MON2: variants seen among roughly 807,000 people sequenced by gnomAD.
MON2 encodes the protein protein MON2 homolog.
In MON2, 84 loss-of-function variants were observed where a neutral mutation model predicts 208.6. That is an observed-to-expected ratio of 0.40 (90% CI 0.34 to 0.48). The LOEUF is 0.48. MON2 is among the 20% of genes least tolerant of loss of function. The probability of loss-of-function intolerance (pLI) is 0.59; values close to 1 mark genes in which losing one functional copy is unlikely to be tolerated. For synonymous variants in MON2, 660 were observed against 694.0 expected, an observed-to-expected ratio of 0.95 and a Z score of 0.77; for missense variants, 1,611 against 2,015.4, an observed-to-expected ratio of 0.80 and a Z score of 3.84.
intron 1 of MON2, among the ~76,000 whole-genome samples, chr12:62,471,430 C>A (rs557012234): frequency 4.3e-4 from 65 of 152,242 alleles, no homozygotes; most frequent in South Asian, 2.5e-3. Context: ...GTGATCTGCC[C>A]GCCTCGGCCT....
At chr12:62,480,860 C>T (rs2069383851) in intron 1 of MON2, among the ~76,000 whole-genome samples, 1 of 152,174 alleles carries the variant, frequency 6.6e-6, no homozygotes, top group East Asian at 1.9e-4. Flanking sequence ...CACATATTGA[C>T]TTTGGACCTA....
In MON2 at chr12:62,560,844, A is replaced by G. The variant is rs756454783; in HGVS notation, c.3763A>G (p.Thr1255Ala). The G allele has an allele frequency of 1.1e-5, 18 of 1,614,134 alleles. 1 individual carries two copies. In the Middle Eastern group the frequency reaches 6.6e-4, roughly 59 times the overall value. The change falls in exon 26 of 35, where the codon ACT becomes GCT. Residue 1255 changes from threonine (T) to alanine (A), a missense_variant. Coordinates refer to ENST00000393630, the MANE Select transcript of MON2 (RefSeq NM_015026.3). ...NTWYRIGSES[T>A]KPPITFDKLT... Reference sequence around the variant, plus strand: ...CTGGTATAGAATTGGATCTGAAAGTACTAAGCCTCCTATTACTTTTGATAA... The same window carrying G: ...CTGGTATAGAATTGGATCTGAAAGTGCTAAGCCTCCTATTACTTTTGATAA...
At chr12:62,525,018 A>C in intron 9 of MON2, 66 bp from the exon 10 acceptor site, 1 of 1,349,808 alleles carries the variant, frequency 7.4e-7, no homozygotes, top group Non-Finnish European at 1.0e-6. Flanking sequence ...CACTTGCTAT[A>C]AAAAGGTTTA....
rs566115071 is a variant in MON2, at chr12:62,591,910, C to T, written c.4991-676C>T. ...AAAAAAATCTTGCATATTGGGTGCC[C>T]AACATTATGCACAATACTTATAGGA... On this transcript the variant is annotated intron_variant, in intron 34 of 34. Coordinates refer to ENST00000393630, the MANE Select transcript of MON2 (RefSeq NM_015026.3). Among the ~76,000 whole-genome samples the T allele has an allele frequency of 8.5e-5, 13 of 152,086 alleles. No individual in the cohort carries two copies. The East Asian group carries it at 2.3e-3, about 27-fold the overall frequency.
At chr12:62,588,597 G>A (rs1444210974) in intron 34 of MON2, among the ~76,000 whole-genome samples, 1 of 151,894 alleles carries the variant, frequency 6.6e-6, no homozygotes, top group African/African-American at 2.4e-5. Context: ...GTTCATTCCT[G>A]TCCAGTCCAT....
intron 31 of MON2, among the ~76,000 whole-genome samples, chr12:62,579,193 A>C (rs1295018315): frequency 6.6e-6 from 1 of 151,998 alleles, no homozygotes; most frequent in Admixed American, 6.6e-5. Flanking sequence ...GCAGTGAGCT[A>C]CAGCTGTACC....
intron 11 of MON2, among the ~76,000 whole-genome samples, chr12:62,530,343 G>C (rs2072570073): frequency 1.3e-5 from 2 of 149,464 alleles, no homozygotes; most frequent in African/African-American, 4.9e-5. Flanking sequence ...CCATTCTCCT[G>C]CCTCAGCCTC....
chr12:62,489,647 A>T (rs879721525), intron 2 of MON2, among the ~76,000 whole-genome samples: 3 of 152,094 alleles, frequency 2.0e-5, no homozygotes, highest in Non-Finnish European at 4.4e-5. Flanking sequence ...TATGTAGGGT[A>T]ATGTGAGGAC....
chr12:62,599,550 G>C lies in MON2; in HGVS notation c.*6801G>C, dbSNP rs983983351. On this transcript the variant is annotated 3_prime_UTR_variant, in exon 35 of 35. Transcript: ENST00000393630. ...ATTTCTGGAGTACCTAGTATGTGCA[G>C]GCCAAGGCTTTGCCTATATTATTCC... The C allele has an allele frequency of 1.3e-5, 2 of 152,156 alleles. No individual in the cohort carries two copies. Among genetic ancestry groups the C allele is most frequent in the Non-Finnish European group, 2.9e-5 (2 of 68,026 alleles). 9.4% of individuals were successfully genotyped at this position (152,156 alleles called of 1,614,324 possible).
chr12:62,519,115 TG>T (rs1422332433), intron 8 of MON2, among the ~76,000 whole-genome samples: 7 of 152,222 alleles, frequency 4.6e-5, no homozygotes, highest in Non-Finnish European at 1.0e-4. Flanking sequence ...CAACAGGAAG[TG>T]GTCATTTAAT....
intron 25 of MON2, among the ~76,000 whole-genome samples, chr12:62,557,962 A>ATATATATATATATTTTTT (rs1364201663): frequency 4.8e-5 from 1 of 20,868 alleles, no homozygotes; most frequent in Non-Finnish European, 6.8e-5. Context: ...ATATATATAT[A>ATATATATATATATTTTTT]TTTTTTTTTT....
chr12:62,592,784 C>CT lies in MON2; in HGVS notation c.*36dup, dbSNP rs754351224. 6.6e-7 allele frequency: 1 copy of CT among 1,514,056 alleles called. No individual in the cohort carries two copies. 93.8% of individuals were successfully genotyped at this position (1,514,056 alleles called of 1,614,324 possible). Reference sequence around the variant, plus strand: ...ATATATTTGAAAGCAGGAAGATAGTCTAAAAAATGTTTGCTCCTAATTGAG... The same window carrying CT: ...ATATATTTGAAAGCAGGAAGATAGTCTTAAAAAATGTTTGCTCCTAATTGAG... On this transcript the variant is annotated 3_prime_UTR_variant, in exon 35 of 35. Transcript: ENST00000393630.
In MON2 at chr12:62,508,490, A is replaced by G. The variant is rs1439979850; in HGVS notation, c.984+10A>G. 3 of 1,609,274 alleles carry G rather than the reference A, an allele frequency of 1.9e-6. No individual in the cohort carries two copies. Among genetic ancestry groups the G allele is most frequent in the Admixed American group, 1.7e-5 (1 of 59,994 alleles). On this transcript the variant is annotated intron_variant, in intron 8 of 34. Coordinates refer to ENST00000393630, the MANE Select transcript of MON2 (RefSeq NM_015026.3). ...GTTTTACAGTCTTTTGGTAAGTGCT[A>G]ATTTCCTTATGTATTTGTGTATATA... is the stretch of plus-strand genomic sequence containing the variant.
chr12:62,482,995 T>C (rs1428331357), intron 1 of MON2: 1 of 152,010 alleles, frequency 6.6e-6, no homozygotes, highest in Non-Finnish European at 1.5e-5. Flanking sequence ...GATTGTGGCA[T>C]TGCACTCCAG....
At position 62,525,188 on chromosome 12, in the gene MON2, C is replaced by T; in HGVS notation, c.1214C>T (p.Pro405Leu). ...ATACAGTCCTTGTTTCTTGTCCCCC[C>T]TACTGGAAATCCTGCAACAAGCAAC... ...SFIQSLFLVP[P>L]TGNPATSNQA... Residue 405 changes from proline (P) to leucine (L), a missense_variant, in exon 10 of 35, where the codon CCT becomes CTT. Physicochemically the swap from Pro to Leu is moderately conservative, Grantham distance 98. Coordinates refer to ENST00000393630, the MANE Select transcript of MON2 (RefSeq NM_015026.3). 6.2e-7 allele frequency: 1 copy of T among 1,613,370 alleles called. No individual in the cohort carries two copies. Among genetic ancestry groups the T allele is most frequent in the East Asian group, 2.2e-5 (1 of 44,826 alleles).
chr12:62,567,357 C>G (rs1008527985), intron 29 of MON2, among the ~76,000 whole-genome samples: 4 of 152,204 alleles, frequency 2.6e-5, no homozygotes, highest in Non-Finnish European at 5.9e-5. Flanking sequence ...ACTTACTACT[C>G]AAATTGTCAT....
chr12:62,595,135 C>G lies in MON2; in HGVS notation c.*2386C>G, dbSNP rs2075498518. 6.6e-6 allele frequency: 1 copy of G among 151,388 alleles called. No homozygotes were observed. The highest frequency in any genetic ancestry group is 1.5e-5 in the Non-Finnish European group (1 of 67,904). The allele number at this position is 151,388 out of a possible 1,614,324, so 9.4% of individuals were successfully genotyped here. ...TCCTTTGTCATACTTACTAGAAATA[C>G]TATGAGTTTTTTTTTTTTTTTTCAT... On this transcript the variant is annotated 3_prime_UTR_variant, in exon 35 of 35. Transcript: ENST00000393630.
intron 2 of MON2, among the ~76,000 whole-genome samples, 172 bp downstream of exon 2, chr12:62,484,405 G>A (rs2069636844): frequency 6.6e-6 from 1 of 152,140 alleles, no homozygotes; most frequent in African/African-American, 2.4e-5. Flanking sequence ...TGAACTGACT[G>A]TATTTCCCAG....
At chr12:62,585,642 T>G in intron 33 of MON2, 141 bp downstream of exon 33, 3 of 633,020 alleles carry the variant, frequency 4.7e-6, no homozygotes, top group Non-Finnish European at 7.7e-6. Flanking sequence ...TCCCATATGG[T>G]GTAAATATTC....
Sources: gnomAD v4.1 joint callset for allele counts (sites outside exome capture counted in the v4.1 genomes callset) on GRCh38, gnomAD v4.1.1 for gene constraint, MANE v1.5 for transcripts, NCBI Gene and HGNC (gene_info 2026-07-23, HGNC 2026-07-21) for gene names.